Variants in PPIC observed in about 807,000 individuals in gnomAD.
PPIC encodes the protein peptidyl-prolyl cis-trans isomerase C.
In PPIC, 19 loss-of-function variants were observed where a neutral mutation model predicts 19.5. The ratio of observed to expected loss-of-function variants is 0.98; its 90% CI spans 0.68 to 1.43. PPIC has a LOEUF of 1.43. PPIC is among the 40% of genes most tolerant of loss of function. The probability of loss-of-function intolerance (pLI) is 0.00; values close to 1 mark genes in which losing one functional copy is unlikely to be tolerated. For missense variants in PPIC, 268 were observed against 268.6 expected (o/e 1.00, Z 0.02); for synonymous variants, 107 against 101.2 (o/e 1.06, Z -0.34).
In PPIC at chr5:123,029,402, C is replaced by G; in HGVS notation, c.134G>C (p.Arg45Thr). The change falls in exon 2 of 5, where the codon AGG becomes ACG. Residue 45 changes from arginine to threonine, a missense_variant. Transcript: ENST00000306442. ...TCTGCCAACATCTTTGTCTCCAATC[C>G]TCACATCAAAGAAGACCTGTGTGCA... ...SVTAKVFFDV[R>T]IGDKDVGRIV... 2 of 1,603,604 alleles carry G rather than the reference C, an allele frequency of 1.2e-6. No homozygotes were observed. The highest frequency in any genetic ancestry group is 1.7e-6 in the Non-Finnish European group (2 of 1,173,922).
chr5:123,032,251 C>T (rs1388016351), intron 1 of PPIC, among the ~76,000 whole-genome samples: 3 of 152,188 alleles, frequency 2.0e-5, no homozygotes, highest in African/African-American at 4.8e-5. Flanking sequence ...GGGACAGGAA[C>T]TATTATCACT....
At position 123,023,637 on chromosome 5, in the gene PPIC, C is replaced by A; in HGVS notation, c.*238G>T. Reference sequence around the variant, plus strand: ...AAAGTTTTTTTTAGTTTTAAAATAGCACCACTTGAGGAAGGGGATATATTT... The same window carrying A: ...AAAGTTTTTTTTAGTTTTAAAATAGAACCACTTGAGGAAGGGGATATATTT... On this transcript the variant is annotated 3_prime_UTR_variant, in exon 5 of 5. Transcript: ENST00000306442. 2 of 404,556 alleles carry A rather than the reference C, an allele frequency of 4.9e-6. No homozygotes were observed. The highest frequency in any genetic ancestry group is 5.0e-5 in the Admixed American group (1 of 20,168). The allele number at this position is 404,556 out of a possible 1,614,324, so 25.1% of individuals were successfully genotyped here.
chr5:123,031,235 A>G (rs1023846776), intron 1 of PPIC, among the ~76,000 whole-genome samples: 3 of 152,240 alleles, frequency 2.0e-5, no homozygotes, highest in Admixed American at 1.3e-4. Flanking sequence ...CACAAACTGT[A>G]TAAGAGAGTC....
chr5:123,027,792 A>G (rs1029081825), intron 3 of PPIC, among the ~76,000 whole-genome samples: 1 of 152,260 alleles, frequency 6.6e-6, no homozygotes, highest in African/African-American at 2.4e-5. Context: ...TATTTGTTGA[A>G]TTAAAAATCT....
In PPIC at chr5:123,025,813, CAT is replaced by C. The variant is rs762124000; in HGVS notation, c.479_480del (p.His160ArgfsTer8). 2.2e-5 allele frequency: 35 copies of C among 1,613,714 alleles called. No individual in the cohort carries two copies. Among genetic ancestry groups the C allele is most frequent in the African/African-American group, 2.7e-5 (2 of 74,902 alleles). On this transcript the variant is annotated frameshift_variant, in exon 4 of 5. Coordinates refer to ENST00000306442, the MANE Select transcript of PPIC (RefSeq NM_000943.5). LOFTEE classifies it high-confidence loss of function. ...LTKPTWLDGK[H>X]VVFGKVIDGM... is the part of the protein sequence containing the mutation. ...CCATCAATGACTTTTCCAAACACCACATGTTTGCCGTCCAACCAGGTGGGCTT... is the reference window on the plus strand; with the variant it reads ...CCATCAATGACTTTTCCAAACACCACGTTTGCCGTCCAACCAGGTGGGCTT...
rs45608144 is a variant in PPIC at position 123,025,712 on chromosome 5, TTAAAA to T, written c.510+67_510+71del. The T allele has an allele frequency of 9.5e-6, 14 of 1,469,262 alleles. No homozygotes were observed. In the African/African-American group the frequency reaches 1.7e-4, roughly 18 times the overall value. 91.0% of individuals were successfully genotyped at this position (1,469,262 alleles called of 1,614,324 possible). On this transcript the variant is annotated intron_variant, in intron 4 of 4. Coordinates refer to ENST00000306442, the MANE Select transcript of PPIC (RefSeq NM_000943.5). ...GATCTCTAACAAGCATATTTTAAGA[TTAAAA>T]TAAATCACTGAAAGTACTCTCAATA...
Position 123,025,888 on chromosome 5 carries a change from T to C in PPIC, c.406A>G (p.Asn136Asp), listed in dbSNP as rs753525453. ...HYGIGWVSMA[N>D]AGPDTNGSQF... is the part of the protein sequence containing the mutation. Reference sequence around the variant, plus strand: ...GAGCCATTGGTGTCAGGCCCAGCGTTGGCCATGCTGACCCACCCAATGCCA... The same window carrying C: ...GAGCCATTGGTGTCAGGCCCAGCGTCGGCCATGCTGACCCACCCAATGCCA... Residue 136 changes from asparagine (N) to aspartate (D), a missense_variant, in exon 4 of 5, where the codon AAC becomes GAC. Physicochemically the swap from Asn to Asp is conservative, Grantham distance 23. Transcript: ENST00000306442. 6.2e-7 allele frequency: 1 copy of C among 1,614,070 alleles called. No homozygotes were observed. Among genetic ancestry groups the C allele is most frequent in the South Asian group, 1.1e-5 (1 of 91,044 alleles).
intron 2 of PPIC, 69 bp downstream of exon 2, chr5:123,029,236 A>T (rs1185142368): frequency 1.2e-6 from 2 of 1,612,688 alleles, no homozygotes; most frequent in Non-Finnish European, 8.5e-7. Flanking sequence ...TTATTTTCTC[A>T]GATGACATCT....
chr5:123,034,802 C>T (rs1268174032), intron 1 of PPIC, among the ~76,000 whole-genome samples: 2 of 152,076 alleles, frequency 1.3e-5, no homozygotes, highest in African/African-American at 4.8e-5. Flanking sequence ...ATTTCAAGTC[C>T]TTCCCTTGCT....
At chr5:123,028,536 A>G in intron 3 of PPIC, 1 of 416,354 alleles carries the variant, frequency 2.4e-6, no homozygotes, top group South Asian at 7.4e-5. Context: ...AAATGAATAC[A>G]TCTCAATTAC....
chr5:123,023,984 T>G lies in PPIC; in HGVS notation c.530A>C (p.Glu177Ala). The G allele has an allele frequency of 6.2e-7, 1 of 1,613,536 alleles. No homozygotes were observed. The highest frequency in any genetic ancestry group is 2.2e-5 in the East Asian group (1 of 44,840). ...IDGMTVVHSI[E>A]LQATDGHDRP... is the part of the protein sequence containing the mutation. ...GTCATGCCCATCAGTTGCTTGGAGCTCTATGGAGTGCACCACTGTCTGGTG... is the reference window on the plus strand; with the variant it reads ...GTCATGCCCATCAGTTGCTTGGAGCGCTATGGAGTGCACCACTGTCTGGTG... The change falls in exon 5 of 5, where the codon GAG (glutamate) becomes GCG (alanine). Residue 177 changes from glutamate to alanine, a missense_variant. Glu to Ala is a moderately radical substitution (Grantham distance 107, BLOSUM62 -1). Coordinates refer to ENST00000306442, the MANE Select transcript of PPIC (RefSeq NM_000943.5).
At chr5:123,035,514 CT>C (rs567904005) in intron 1 of PPIC, among the ~76,000 whole-genome samples, 72 of 152,290 alleles carry the variant, frequency 4.7e-4, no homozygotes, top group Middle Eastern at 6.8e-3. Flanking sequence ...TCCCCACCCC[CT>C]AGTCCTCCCC....
rs756982111 is a variant in PPIC at position 123,025,772 on chromosome 5, G to A, written c.510+12C>T. ...TATAAAGCTTTGAAAGGAAAAAAAT[G>A]TATCAATTTACCATCCCATCAATGA... On this transcript the variant is annotated intron_variant, in intron 4 of 4. Coordinates refer to ENST00000306442, the MANE Select transcript of PPIC (RefSeq NM_000943.5). The A allele has an allele frequency of 1.2e-6, 2 of 1,607,784 alleles. No individual in the cohort carries two copies. The highest frequency in any genetic ancestry group is 1.1e-5 in the South Asian group (1 of 89,054).
intron 3 of PPIC, 100 bp from the exon 4 acceptor site, chr5:123,026,068 T>A: frequency 9.8e-7 from 1 of 1,016,120 alleles, no homozygotes; most frequent in Non-Finnish European, 1.4e-6. Flanking sequence ...TAGAACCCTA[T>A]AGGAGGTAGG....
chr5:123,032,414 A>C (rs1031314038), intron 1 of PPIC, among the ~76,000 whole-genome samples: 1 of 152,216 alleles, frequency 6.6e-6, no homozygotes, highest in South Asian at 2.1e-4. Flanking sequence ...GGAAACCCTA[A>C]GGAGTAGAAA....
rs371305785 is a variant in PPIC, at chr5:123,023,827, C to A, written c.*48G>T. On this transcript the variant is annotated 3_prime_UTR_variant, in exon 5 of 5. Coordinates refer to ENST00000306442, the MANE Select transcript of PPIC (RefSeq NM_000943.5). Reference sequence around the variant, plus strand: ...AACACAACACACACACACACACACACACACACACACCCCTGCCAAAGCATA... The same window carrying A: ...AACACAACACACACACACACACACAAACACACACACCCCTGCCAAAGCATA... 8.1e-6 allele frequency: 13 copies of A among 1,605,048 alleles called. No homozygotes were observed. The highest frequency in any genetic ancestry group is 1.0e-5 in the Non-Finnish European group (12 of 1,175,552).
In PPIC at chr5:123,025,939, C is replaced by T; in HGVS notation, c.355G>A (p.Asp119Asn). The change falls in exon 4 of 5, where the codon GAT (aspartate) becomes AAT (asparagine). Residue 119 changes from aspartate to asparagine, a missense_variant. Asp to Asn is a conservative substitution (Grantham distance 23). Coordinates refer to ENST00000306442, the MANE Select transcript of PPIC (RefSeq NM_000943.5). ...TAGTGCTTCAGCTTGAAGTTCTCATCTGGAAATGTCTCACCATAGATGCTC... is the reference window on the plus strand; with the variant it reads ...TAGTGCTTCAGCTTGAAGTTCTCATTTGGAAATGTCTCACCATAGATGCTC... Reference protein sequence around the residue: ...GVSIYGETFPDENFKLKHYGI... With the variant: ...GVSIYGETFPNENFKLKHYGI... 1 of 1,607,636 alleles carries T rather than the reference C, an allele frequency of 6.2e-7. No individual in the cohort carries two copies. The highest frequency in any genetic ancestry group is 1.7e-5 in the Admixed American group (1 of 58,446).
intron 4 of PPIC, 22 bp downstream of exon 4, chr5:123,025,762 G>T (rs1561748071): frequency 6.2e-7 from 1 of 1,604,308 alleles, no homozygotes; most frequent in Non-Finnish European, 8.5e-7. Context: ...AGCTTTGAAA[G>T]GAAAAAAATG....
chr5:123,024,052 A>G, intron 4 of PPIC, 49 bp from the exon 5 acceptor site: 1 of 1,579,512 alleles, frequency 6.3e-7, no homozygotes, highest in Non-Finnish European at 8.6e-7. Flanking sequence ...CAGCAGCTAT[A>G]GCAATCCAAA....
Sources: gnomAD v4.1 joint callset for allele counts (sites outside exome capture counted in the v4.1 genomes callset) on GRCh38, gnomAD v4.1.1 for gene constraint, MANE v1.5 for transcripts, NCBI Gene and HGNC (gene_info 2026-07-23, HGNC 2026-07-21) for gene names.